Variants in ACE observed in about 807,000 individuals in gnomAD.
ACE encodes the protein angiotensin-converting enzyme.
ACE carries 122 observed loss-of-function variants against 162.3 expected under a neutral mutation model. The observed-to-expected ratio is 0.75, with a 90% CI of 0.65 to 0.87. The LOEUF is 0.87. Among genes scored for constraint, ACE ranks in the 40% least tolerant of loss-of-function variants. ACE has a pLI of 0.00. For synonymous variants in ACE, 796 were observed against 720.6 expected (o/e 1.10, Z -1.68); for missense variants, 1,799 against 1,735.1 (o/e 1.04, Z -0.65).
intron 14 of ACE, 74 bp from the exon 15 acceptor site, chr17:63,486,912 C>A: frequency 6.6e-7 from 1 of 1,507,122 alleles, no homozygotes; most frequent in South Asian, 1.1e-5. Context: ...GCCCATGGGG[C>A]CTGGGGGTAG....
chr17:63,493,858 C>T, intron 20 of ACE, 64 bp from the exon 21 acceptor site: 2 of 1,611,986 alleles, frequency 1.2e-6, no homozygotes, highest in Non-Finnish European at 8.5e-7. Context: ...TCCACCATCA[C>T]AGGCACACCA....
chr17:63,483,307 T>G (rs1024116694), intron 9 of ACE, 134 bp downstream of exon 9: 1 of 1,528,860 alleles, frequency 6.5e-7, no homozygotes, highest in African/African-American at 1.4e-5. Context: ...CACCGCCTTC[T>G]CCTTTCCTGC....
intron 8 of ACE, 45 bp from the exon 9 acceptor site, chr17:63,482,984 C>G (rs202044078): frequency 3.8e-6 from 6 of 1,598,264 alleles, no homozygotes; most frequent in Non-Finnish European, 5.1e-6. Flanking sequence ...GGACCCTCTT[C>G]TCCCTCTGAC....
In ACE at chr17:63,483,867, C is replaced by T. The variant is rs1205798243; in HGVS notation, c.1605C>T (p.Val535=). 1 of 1,614,010 alleles carries T rather than the reference C, an allele frequency of 6.2e-7. No homozygotes were observed. The highest frequency in any genetic ancestry group is 1.3e-5 in the African/African-American group (1 of 74,930). ...TPYIRYFVSF[V]LQFQFHEALC... ...CCTGCAGGTACTTTGTGAGTTTTGT[C>T]CTGCAGTTCCAGTTCCATGAAGCCC... Residue 535 remains valine, a synonymous_variant, in exon 11 of 25, where the codon GTC becomes GTT. Coordinates refer to ENST00000290866, the MANE Select transcript of ACE (RefSeq NM_000789.4).
intron 2 of ACE, 78 bp downstream of exon 2, chr17:63,478,176 C>G: frequency 6.6e-7 from 1 of 1,523,110 alleles, no homozygotes; most frequent in Non-Finnish European, 8.9e-7. Context: ...AGCAGCCCAT[C>G]AGGGAGGGAG....
chr17:63,483,814 C>A, intron 10 of ACE, 35 bp from the exon 11 acceptor site: 1 of 1,613,594 alleles, frequency 6.2e-7, no homozygotes, highest in Non-Finnish European at 8.5e-7. Flanking sequence ...CCTGGCCCCC[C>A]ATGATCTTCC....
chr17:63,491,275 G>C lies in ACE; in HGVS notation c.2806G>C (p.Val936Leu). ...CTTCACCTCCCTGGGGCTGCTGCCC[G>C]TGCCTCCTGAGTTCTGGAACAAGTC... is the stretch of plus-strand genomic sequence containing the variant. ...DFFTSLGLLP[V>L]PPEFWNKSML... The change falls in exon 19 of 25, where the codon GTG becomes CTG. Residue 936 changes from valine (V) to leucine (L), a missense_variant. Coordinates refer to ENST00000290866, the MANE Select transcript of ACE (RefSeq NM_000789.4). The surrounding 1 kb of genome is among the most constrained non-coding windows in gnomAD (Gnocchi z 4.4). The C allele has an allele frequency of 6.2e-7, 1 of 1,614,152 alleles. No homozygotes were observed. Among genetic ancestry groups the C allele is most frequent in the South Asian group, 1.1e-5 (1 of 91,088 alleles).
At chr17:63,483,237 G>A in intron 9 of ACE, 64 bp downstream of exon 9, 1 of 1,610,988 alleles carries the variant, frequency 6.2e-7, no homozygotes, top group Non-Finnish European at 8.5e-7. Context: ...GGACAGCCAG[G>A]CGCCTCCTGC....
Position 63,477,127 on chromosome 17 carries a change from G to A in ACE, c.33G>A (p.Gly11=). The change falls in exon 1 of 25, where the codon GGG becomes GGA. Residue 11 remains glycine, a synonymous_variant. Coordinates refer to ENST00000290866, the MANE Select transcript of ACE (RefSeq NM_000789.4). ...CCGCCTCGGGCCGCCGGGGGCCGGGGCTGCTGCTGCCGCTGCCGCTGCTGT... is the reference window on the plus strand; with the variant it reads ...CCGCCTCGGGCCGCCGGGGGCCGGGACTGCTGCTGCCGCTGCCGCTGCTGT... MGAASGRRGP[G]LLLPLPLLLL... The A allele has an allele frequency of 1.4e-6, 2 of 1,408,190 alleles. No homozygotes were observed. Among genetic ancestry groups the A allele is most frequent in the Non-Finnish European group, 1.9e-6 (2 of 1,080,540 alleles). The allele number at this position is 1,408,190 out of a possible 1,614,324, so 87.2% of individuals were successfully genotyped here.
At chr17:63,493,846 C>G in intron 20 of ACE, 76 bp from the exon 21 acceptor site, 1 of 1,605,698 alleles carries the variant, frequency 6.2e-7, no homozygotes, top group Non-Finnish European at 8.5e-7. Flanking sequence ...CACCCCCACC[C>G]CTCCACCATC....
chr17:63,484,983 A>G lies in ACE; in HGVS notation c.1922-253A>G, dbSNP rs779911816. The stretch of plus-strand genomic sequence containing the variant: ...GCATCCCAACAGGTGACAGTCACCC[A>G]TGGGACAAGCAGCCAGGCAACAACC... On this transcript the variant is annotated intron_variant, in intron 12 of 24. Coordinates refer to ENST00000290866, the MANE Select transcript of ACE (RefSeq NM_000789.4). This position sits in a 1 kb window ranked among gnomAD's most constrained non-coding sequence, Gnocchi z 4.0. 1.1e-5 allele frequency: 18 copies of G among 1,609,318 alleles called. No homozygotes were observed. The highest frequency in any genetic ancestry group is 1.7e-5 in the Admixed American group (1 of 59,206).
chr17:63,478,689 A>C (rs916579702), intron 2 of ACE: 3 of 437,092 alleles, frequency 6.9e-6, no homozygotes, highest in African/African-American at 6.0e-5. Flanking sequence ...GAAAAGGTTG[A>C]GAAAGACTGG....
In ACE at chr17:63,491,479, C is replaced by T. The variant is rs747243795; in HGVS notation, c.2912+98C>T. The T allele has an allele frequency of 5.2e-6, 8 of 1,524,166 alleles. No individual in the cohort carries two copies. Among genetic ancestry groups the T allele is most frequent in the Non-Finnish European group, 7.2e-6 (8 of 1,108,654 alleles). 94.4% of individuals were successfully genotyped at this position (1,524,166 alleles called of 1,614,324 possible). ...ACTACTGTCCCCCAGCTGGAGCCAG[C>T]AGGGCAGGATGGGGACAGGGCCAGA... is the stretch of plus-strand genomic sequence containing the variant. On this transcript the variant is annotated intron_variant, in intron 19 of 24. Transcript: ENST00000290866. This position sits in a 1 kb window ranked among gnomAD's most constrained non-coding sequence, Gnocchi z 4.4.
At chr17:63,487,101 G>C in intron 15 of ACE, 28 bp downstream of exon 15, 1 of 1,605,134 alleles carries the variant, frequency 6.2e-7, no homozygotes, top group Non-Finnish European at 8.5e-7. Flanking sequence ...GGCTGAGTGA[G>C]AGGCGAGGGC....
At position 63,481,102 on chromosome 17, in the gene ACE, G is replaced by A; in HGVS notation, c.859G>A (p.Ala287Thr). 1 of 1,614,030 alleles carries A rather than the reference G, an allele frequency of 6.2e-7. No homozygotes were observed. The highest frequency in any genetic ancestry group is 8.5e-7 in the Non-Finnish European group (1 of 1,179,980). Residue 287 changes from alanine to threonine, a missense_variant, in exon 6 of 25, where the codon GCC becomes ACC. Coordinates refer to ENST00000290866, the MANE Select transcript of ACE (RefSeq NM_000789.4). ...CCTTCCTTATCTAGGAGACATGTGG[G>A]CCCAGAGCTGGGAAAACATCTACGA... ...IPAHLLGDMW[A>T]QSWENIYDMV...
rs769674897 is a variant in ACE at position 63,484,510 on chromosome 17, G to T, written c.1890G>T (p.Pro630=). 1 of 1,611,736 alleles carries T rather than the reference G, an allele frequency of 6.2e-7. No individual in the cohort carries two copies. The highest frequency in any genetic ancestry group is 8.5e-7 in the Non-Finnish European group (1 of 1,179,718). ...GCTGGCCCGAGTACCAGTGGCACCC[G>T]CCGTTGCCTGACAACTACCCGGAGG... The part of the protein sequence containing the change: ...VLGWPEYQWH[P]PLPDNYPEGI... The change falls in exon 12 of 25, where the codon CCG becomes CCT. Residue 630 remains proline, a synonymous_variant. Coordinates refer to ENST00000290866, the MANE Select transcript of ACE (RefSeq NM_000789.4). The surrounding 1 kb of genome is among the most constrained non-coding windows in gnomAD (Gnocchi z 4.0).
intron 19 of ACE, among the ~76,000 whole-genome samples, chr17:63,492,446 G>A (rs974813865): frequency 8.5e-5 from 13 of 152,362 alleles, no homozygotes; most frequent in African/African-American, 2.4e-4. Context: ...AACAAAACCC[G>A]ATGGGATTCC....
At chr17:63,478,753 C>G (rs370885036) in intron 2 of ACE, 1 of 566,722 alleles carries the variant, frequency 1.8e-6, no homozygotes, top group African/African-American at 1.9e-5. Context: ...CAGGGTGGTG[C>G]CAAGCTGGGA....
At chr17:63,494,179 T>C (rs1241016952) in intron 21 of ACE, 113 bp downstream of exon 21, 37 of 1,417,540 alleles carry the variant, frequency 2.6e-5, no homozygotes, top group Non-Finnish European at 3.6e-5. Context: ...TGTACACTAT[T>C]GTGTCTGTGC....
Sources: gnomAD v4.1 joint callset for allele counts (sites outside exome capture counted in the v4.1 genomes callset) on GRCh38, gnomAD v4.1.1 for gene constraint, Gnocchi (gnomAD v3.1) non-coding constraint, MANE v1.5 for transcripts, NCBI Gene and HGNC (gene_info 2026-07-23, HGNC 2026-07-21) for gene names.